Variants in PTPRZ1 observed in about 807,000 individuals in gnomAD.
PTPRZ1 encodes receptor-type tyrosine-protein phosphatase zeta.
PTPRZ1 carries 82 observed loss-of-function variants against 214.1 expected under a neutral mutation model. The observed-to-expected ratio is 0.38, with a 90% CI of 0.32 to 0.46. PTPRZ1 has a LOEUF of 0.46. Ranked by LOEUF, PTPRZ1 falls within the 20% of genes least tolerant of loss-of-function variation. The pLI, the probability that PTPRZ1 is intolerant of heterozygous loss-of-function variation, is 1.00. For synonymous variants in PTPRZ1, 945 were observed against 987.9 expected, an observed-to-expected ratio of 0.96 and a Z score of 0.81; for missense variants, 2,603 against 2,748.7, an observed-to-expected ratio of 0.95 and a Z score of 1.19.
In PTPRZ1 at chr7:121,873,461, A is replaced by AGAGGAGCCGCACGGC. The variant is rs755274108; in HGVS notation, c.-34_-20dup. Reference sequence around the variant, plus strand: ...CCCCTCCCTCTCCACTCTGAGAAGCAGAGGAGCCGCACGGCGAGGGGCCGC... The same window carrying AGAGGAGCCGCACGGC: ...CCCCTCCCTCTCCACTCTGAGAAGCAGAGGAGCCGCACGGCGAGGAGCCGCACGGCGAGGGGCCGC... On this transcript the variant is annotated 5_prime_UTR_variant, in exon 1 of 30. Coordinates refer to ENST00000393386, the MANE Select transcript of PTPRZ1 (RefSeq NM_002851.3). 2.5e-6 allele frequency: 4 copies of AGAGGAGCCGCACGGC among 1,609,904 alleles called. No homozygotes were observed. Among genetic ancestry groups the AGAGGAGCCGCACGGC allele is most frequent in the African/African-American group, 1.3e-5 (1 of 74,988 alleles).
chr7:121,954,087 T>C (rs1796636982), intron 2 of PTPRZ1, among the ~76,000 whole-genome samples: 1 of 152,206 alleles, frequency 6.6e-6, no homozygotes, highest in African/African-American at 2.4e-5. Flanking sequence ...CTTTCTCAAA[T>C]CTATCTTTCT....
Position 122,036,600 on chromosome 7 carries a change from A to G in PTPRZ1, c.5285A>G (p.Tyr1762Cys). Residue 1762 changes from tyrosine (Y) to cysteine (C), a missense_variant and splice_region_variant, in exon 18 of 30, where the codon TAT becomes TGT. By Grantham distance (194) the Tyr-to-Cys change is radical (BLOSUM62 -2). Coordinates refer to ENST00000393386, the MANE Select transcript of PTPRZ1 (RefSeq NM_002851.3). ...GAAATATATTCTCTTTATATTACAG[A>G]TGATCATAGCAGGGTTAAGCTAGCA... ...HKNRYINIVA[Y>C]DHSRVKLAQL... 2.5e-6 allele frequency: 4 copies of G among 1,586,502 alleles called. No individual in the cohort carries two copies. The highest frequency in any genetic ancestry group is 2.2e-5 in the South Asian group (2 of 90,308).
chr7:121,975,584 T>C (rs1423961843), intron 4 of PTPRZ1, among the ~76,000 whole-genome samples: 2 of 152,196 alleles, frequency 1.3e-5, no homozygotes, highest in Non-Finnish European at 2.9e-5. Context: ...TTAAGTCTAC[T>C]TCTATCTAGC....
chr7:122,028,696 AC>A lies in PTPRZ1; in HGVS notation c.5080+54del. On this transcript the variant is annotated intron_variant, in intron 14 of 29. Transcript: ENST00000393386. ...AGCTGGTAGATGTTGAACAAAAAGC[AC>A]AATGTTGAAAGGTTTGTTTTTATCG... 2.2e-6 allele frequency: 3 copies of A among 1,364,104 alleles called. No individual in the cohort carries two copies. In the Admixed American group the frequency reaches 5.2e-5, roughly 24 times the overall value. The allele number at this position is 1,364,104 out of a possible 1,614,324, so 84.5% of individuals were successfully genotyped here.
chr7:121,901,491 T>C (rs973177704), intron 1 of PTPRZ1, among the ~76,000 whole-genome samples: 1 of 152,164 alleles, frequency 6.6e-6, no homozygotes, highest in African/African-American at 2.4e-5. Flanking sequence ...CAAAAATGTC[T>C]TCACTGTTAG....
At chr7:121,884,478 TTA>T (rs1794339213) in intron 1 of PTPRZ1, among the ~76,000 whole-genome samples, 1 of 152,178 alleles carries the variant, frequency 6.6e-6, no homozygotes, top group South Asian at 2.1e-4. Context: ...GGAAACATCA[TTA>T]TGTTTAATTG....
chr7:122,025,287 A>C (rs1419967795), intron 13 of PTPRZ1, among the ~76,000 whole-genome samples: 1 of 151,000 alleles, frequency 6.6e-6, no homozygotes, highest in Non-Finnish European at 1.5e-5. Flanking sequence ...TTACTCTTAG[A>C]TTGATTAGGT....
rs1472533647 is a variant in PTPRZ1 at position 122,012,581 on chromosome 7, G to A, written c.3535G>A (p.Glu1179Lys). 6.2e-7 allele frequency: 1 copy of A among 1,613,148 alleles called. No individual in the cohort carries two copies. The highest frequency in any genetic ancestry group is 1.3e-5 in the African/African-American group (1 of 74,878). Residue 1179 changes from glutamate (E) to lysine (K), a missense_variant, in exon 12 of 30, where the codon GAA becomes AAA. By Grantham distance (56) the Glu-to-Lys change is moderately conservative. Transcript: ENST00000393386. ...TGAGACCTCAGCTTCTTTTAGTACT[G>A]AAGTATTGCTACAACCTTCCTTTCA... ...FYETSASFST[E>K]VLLQPSFQAS...
chr7:121,967,506 GCTAGGA>G lies in PTPRZ1; in HGVS notation c.125-441_125-436del, dbSNP rs553418921. On this transcript the variant is annotated intron_variant, in intron 2 of 29. Coordinates refer to ENST00000393386, the MANE Select transcript of PTPRZ1 (RefSeq NM_002851.3). ...GATTCCTTTCAATCTGGAATCCTGG[GCTAGGA>G]CTAACTACCTTACAGGACAATTAAG... 4.1e-4 allele frequency among the ~76,000 whole-genome samples: 63 copies of G among 152,280 alleles called. 1 individual carries two copies. In the East Asian group the frequency reaches 6.6e-3, roughly 16 times the overall value.
rs1798742296 is a variant in PTPRZ1 at position 122,013,381 on chromosome 7, C to T, written c.4335C>T (p.Cys1445=). 1 of 1,613,960 alleles carries T rather than the reference C, an allele frequency of 6.2e-7. No individual in the cohort carries two copies. The highest frequency in any genetic ancestry group is 1.3e-5 in the African/African-American group (1 of 74,870). Residue 1445 remains cysteine, a synonymous_variant, in exon 12 of 30, where the codon TGC becomes TGT. Coordinates refer to ENST00000393386, the MANE Select transcript of PTPRZ1 (RefSeq NM_002851.3). ...DGLSIHKCMS[C]SSYRESQEKV... ...TATCCATTCATAAGTGTATGTCATGCTCATCCTATAGAGAATCACAGGAAA... is the reference window on the plus strand; with the variant it reads ...TATCCATTCATAAGTGTATGTCATGTTCATCCTATAGAGAATCACAGGAAA...
intron 2 of PTPRZ1, among the ~76,000 whole-genome samples, chr7:121,937,846 C>T (rs1171610921): frequency 5.3e-5 from 8 of 152,098 alleles, no homozygotes; most frequent in Admixed American, 5.2e-4. Context: ...GCCTTCTGAT[C>T]GGATTCCATT....
In PTPRZ1 at chr7:122,061,160, C is replaced by G; in HGVS notation, c.6888C>G (p.Asp2296Glu). 4 of 1,610,782 alleles carry G rather than the reference C, an allele frequency of 2.5e-6. No individual in the cohort carries two copies. Among genetic ancestry groups the G allele is most frequent in the Non-Finnish European group, 2.5e-6 (3 of 1,177,922 alleles). The part of the protein sequence containing the change: ...RQEENPSTSL[D>E]SNGAALPDGN... ...AAGAGAATCCATCCACCTCTCTGGACAGTAATGGTGCAGCATTGCCTGATG... is the reference window on the plus strand; with the variant it reads ...AAGAGAATCCATCCACCTCTCTGGAGAGTAATGGTGCAGCATTGCCTGATG... The change falls in exon 30 of 30, where the codon GAC (aspartate) becomes GAG (glutamate). Residue 2296 changes from aspartate (D) to glutamate (E), a missense_variant. Transcript: ENST00000393386.
chr7:122,012,042 C>T lies in PTPRZ1; in HGVS notation c.2996C>T (p.Ala999Val). The change falls in exon 12 of 30, where the codon GCC becomes GTC. Residue 999 changes from alanine (A) to valine (V), a missense_variant. Ala to Val is a moderately conservative substitution (Grantham distance 64). Transcript: ENST00000393386. The part of the protein sequence containing the change: ...ALSGDGEWSG[A>V]SSDSEFLLPD... ...TCTGGTGATGGGGAATGGTCTGGAG[C>T]CTCTTCTGATAGTGAATTTCTTTTA... 2 of 1,614,220 alleles carry T rather than the reference C, an allele frequency of 1.2e-6. No homozygotes were observed. The highest frequency in any genetic ancestry group is 1.1e-5 in the South Asian group (1 of 91,088).
At chr7:122,060,379 T>C (rs149110891) in intron 29 of PTPRZ1, among the ~76,000 whole-genome samples, 170 of 152,320 alleles carry the variant, frequency 1.1e-3, no homozygotes, top group African/African-American at 3.3e-3. Context: ...AAGCATTTAA[T>C]TATGCACTGC....
intron 2 of PTPRZ1, among the ~76,000 whole-genome samples, chr7:121,956,918 C>G (rs9641680): frequency 0.023 from 3,558 of 151,982 alleles, 70 homozygotes; most frequent in East Asian, 0.085. Flanking sequence ...TCCTTCCCCC[C>G]CAAAAAACAA....
At position 122,026,852 on chromosome 7, in the gene PTPRZ1, A is replaced by G. The variant is rs544121027; in HGVS notation, c.4989-1700A>G. Among the ~76,000 whole-genome samples the G allele has an allele frequency of 1.6e-3, 237 of 152,286 alleles. 1 individual carries two copies. Among genetic ancestry groups the G allele is most frequent in the African/African-American group, 5.5e-3 (227 of 41,550 alleles). ...GGTTATAAGTAAACTATATAATTTT[A>G]CACCACTCCTACTTATAGAAGTTCA... On this transcript the variant is annotated intron_variant, in intron 13 of 29. Coordinates refer to ENST00000393386, the MANE Select transcript of PTPRZ1 (RefSeq NM_002851.3).
intron 2 of PTPRZ1, among the ~76,000 whole-genome samples, chr7:121,946,262 C>T (rs926198543): frequency 1.3e-5 from 2 of 152,172 alleles, no homozygotes; most frequent in African/African-American, 4.8e-5. Flanking sequence ...GATCTTAACA[C>T]ATCCCTAGGT....
chr7:122,022,625 T>C lies in PTPRZ1; in HGVS notation c.4988+3357T>C, dbSNP rs147717794. ...TCTGTGAGTTATCTTCTCACTTTCA[T>C]GATGGTATCTTTTTTAAAGTAGAAA... is the stretch of plus-strand genomic sequence containing the variant. On this transcript the variant is annotated intron_variant, in intron 13 of 29. Transcript: ENST00000393386. Among the ~76,000 whole-genome samples, 178 of 152,362 alleles carry C rather than the reference T, an allele frequency of 1.2e-3. 2 individuals are homozygous for C. The highest frequency in any genetic ancestry group is 4.1e-3 in the African/African-American group (170 of 41,592).
chr7:122,036,425 T>C (rs191579006), intron 17 of PTPRZ1, among the ~76,000 whole-genome samples, 175 bp from the exon 18 acceptor site: 1 of 152,358 alleles, frequency 6.6e-6, no homozygotes, highest in African/African-American at 2.4e-5. Flanking sequence ...GGAGATTCTT[T>C]TTATATTTGT....
Sources: gnomAD v4.1 joint callset for allele counts (sites outside exome capture counted in the v4.1 genomes callset) on GRCh38, gnomAD v4.1.1 for gene constraint, MANE v1.5 for transcripts, NCBI Gene and HGNC (gene_info 2026-07-23, HGNC 2026-07-21) for gene names.